Variants in RPH3A observed in about 807,000 individuals in gnomAD.
RPH3A encodes the protein rabphilin 3A.
RPH3A carries 48 observed loss-of-function variants against 102.2 expected under a neutral mutation model. The observed-to-expected ratio is 0.47, with a 90% CI of 0.37 to 0.60. RPH3A has a LOEUF of 0.60. Among genes scored for constraint, RPH3A ranks in the 20% least tolerant of loss-of-function variants. The pLI, the probability that RPH3A is intolerant of heterozygous loss-of-function variation, is 0.00. For missense variants in RPH3A, 781 were observed against 910.1 expected, an observed-to-expected ratio of 0.86 and a Z score of 1.83; for synonymous variants, 310 against 324.3, an observed-to-expected ratio of 0.96 and a Z score of 0.47.
At chr12:112,759,970 C>T (rs1019409337) in intron 1 of RPH3A, among the ~76,000 whole-genome samples, 3 of 152,182 alleles carry the variant, frequency 2.0e-5, no homozygotes, top group African/African-American at 4.8e-5. Context: ...TGAGTCACGT[C>T]GGCTGGACCA....
rs12311638 is a variant in RPH3A, at chr12:112,886,511, G to A, written c.1437-1286G>A. Among the ~76,000 whole-genome samples the A allele has an allele frequency of 8.1e-3, 1,237 of 152,104 alleles. 16 individuals carry two copies. Among genetic ancestry groups the A allele is most frequent in the African/African-American group, 0.028 (1,166 of 41,478 alleles). The stretch of plus-strand genomic sequence containing the variant: ...TGCTGCCACTGATCTGACAGGAGGC[G>A]GAGCTGAAGTGGTAATGCTTGCTCA... On this transcript the variant is annotated intron_variant, in intron 16 of 21. Coordinates refer to ENST00000389385, the MANE Select transcript of RPH3A (RefSeq NM_001143854.2).
intron 1 of RPH3A, among the ~76,000 whole-genome samples, chr12:112,713,916 G>T (rs112528535): frequency 6.6e-6 from 1 of 152,176 alleles, no homozygotes; most frequent in Non-Finnish European, 1.5e-5. Context: ...TGGCTGAGAC[G>T]TGGGTTCAGA....
intron 1 of RPH3A, among the ~76,000 whole-genome samples, chr12:112,602,673 C>A (rs571821075): frequency 7.2e-5 from 11 of 152,144 alleles, no homozygotes; most frequent in South Asian, 4.2e-4. Flanking sequence ...CCTGTAATCC[C>A]AGCTACTCAG....
chr12:112,875,807 GCAGGCAGCTGC>G (rs1259099265), intron 12 of RPH3A, 66 bp downstream of exon 12: 2 of 1,445,112 alleles, frequency 1.4e-6, no homozygotes, highest in Non-Finnish European at 1.9e-6. Flanking sequence ...CTGAGAGAGA[GCAGGCAGCTGC>G]CAGAACGTGA....
chr12:112,883,773 A>G (rs1215699178), intron 16 of RPH3A, among the ~76,000 whole-genome samples: 1 of 152,178 alleles, frequency 6.6e-6, no homozygotes, highest in African/African-American at 2.4e-5. Flanking sequence ...GAATACACTG[A>G]TGCCATTTCA....
chr12:112,881,679 C>A, intron 14 of RPH3A, 93 bp from the exon 15 acceptor site: 1 of 821,186 alleles, frequency 1.2e-6, no homozygotes, highest in Non-Finnish European at 2.0e-6. Context: ...GACCAACAGG[C>A]AGGACAGATG....
intron 3 of RPH3A, among the ~76,000 whole-genome samples, chr12:112,828,760 T>C (rs983530761): frequency 1.3e-5 from 2 of 152,222 alleles, no homozygotes; most frequent in Non-Finnish European, 2.9e-5. Flanking sequence ...GAAGTTGCAC[T>C]AGATCAGAGA....
chr12:112,872,676 T>C (rs1486541069), intron 10 of RPH3A, among the ~76,000 whole-genome samples: 3 of 152,210 alleles, frequency 2.0e-5, no homozygotes, highest in East Asian at 3.8e-4. Context: ...AGTTTTATAG[T>C]TTTAGCCCTT....
At chr12:112,722,995 A>G (rs896640880) in intron 1 of RPH3A, among the ~76,000 whole-genome samples, 1 of 152,216 alleles carries the variant, frequency 6.6e-6, no homozygotes, top group Non-Finnish European at 1.5e-5. Flanking sequence ...TTAGACACTA[A>G]GAGAAGAACT....
At chr12:112,688,254 A>G (rs2040281583) in intron 1 of RPH3A, among the ~76,000 whole-genome samples, 1 of 152,224 alleles carries the variant, frequency 6.6e-6, no homozygotes, top group African/African-American at 2.4e-5. Flanking sequence ...TATTATTTCC[A>G]AATATTGTAT....
At chr12:112,673,365 C>T (rs2040148757) in intron 1 of RPH3A, among the ~76,000 whole-genome samples, 1 of 151,998 alleles carries the variant, frequency 6.6e-6, no homozygotes, top group Non-Finnish European at 1.5e-5. Flanking sequence ...GGGTCTTGCT[C>T]TGTTGCCTCG....
At chr12:112,594,566 C>A (rs922631826) in intron 1 of RPH3A, among the ~76,000 whole-genome samples, 1 of 152,176 alleles carries the variant, frequency 6.6e-6, no homozygotes, top group Admixed American at 6.6e-5. Context: ...TCAGCAAATA[C>A]TTTTGAAGTG....
chr12:112,705,699 A>G (rs1399848734), intron 1 of RPH3A, among the ~76,000 whole-genome samples: 1 of 152,224 alleles, frequency 6.6e-6, no homozygotes, highest in Non-Finnish European at 1.5e-5. Flanking sequence ...ATATGTTTAA[A>G]TGTTTAAATT....
At chr12:112,726,786 G>A (rs2040593833) in intron 1 of RPH3A, among the ~76,000 whole-genome samples, 1 of 152,168 alleles carries the variant, frequency 6.6e-6, no homozygotes, top group Non-Finnish European at 1.5e-5. Flanking sequence ...ACTTTGGGAG[G>A]CTGAGGCAGG....
At chr12:112,817,612 G>A (rs564360708) in intron 2 of RPH3A, among the ~76,000 whole-genome samples, 1 of 151,622 alleles carries the variant, frequency 6.6e-6, no homozygotes, top group South Asian at 2.1e-4. Context: ...GGAAGAAATT[G>A]GTCTTTGCTT....
At chr12:112,579,303 A>G (rs2039380379) in intron 1 of RPH3A, among the ~76,000 whole-genome samples, 1 of 152,200 alleles carries the variant, frequency 6.6e-6, no homozygotes, top group African/African-American at 2.4e-5. Flanking sequence ...TCCCATAGTG[A>G]TCACAGCTGC....
chr12:112,830,588 G>T (rs540021544), intron 3 of RPH3A, among the ~76,000 whole-genome samples: 2 of 152,170 alleles, frequency 1.3e-5, no homozygotes, highest in Admixed American at 1.3e-4. Flanking sequence ...TATTCTGCTT[G>T]TATTATGTTG....
chr12:112,662,043 G>C (rs1423803332), intron 1 of RPH3A, among the ~76,000 whole-genome samples: 1 of 152,186 alleles, frequency 6.6e-6, no homozygotes, highest in Non-Finnish European at 1.5e-5. Flanking sequence ...CAGAATCTCA[G>C]TAGGGACAAG....
In RPH3A at chr12:112,709,414, G is replaced by A. The variant is rs578238124; in HGVS notation, c.-139-82729G>A. On this transcript the variant is annotated intron_variant, in intron 1 of 21. Coordinates refer to the RPH3A transcript ENST00000543106. ...AAAAATAAAAAATTACCCAGGGTTAGTGATGTGTGTCTGTAGTTCCAGCTA... is the reference window on the plus strand; with the variant it reads ...AAAAATAAAAAATTACCCAGGGTTAATGATGTGTGTCTGTAGTTCCAGCTA... 1.9e-4 allele frequency among the ~76,000 whole-genome samples: 29 copies of A among 152,160 alleles called. No homozygotes were observed. The East Asian group carries it at 4.8e-3, about 25-fold the overall frequency.
Sources: gnomAD v4.1 joint callset for allele counts (sites outside exome capture counted in the v4.1 genomes callset) on GRCh38, gnomAD v4.1.1 for gene constraint, MANE v1.5 for transcripts, NCBI Gene and HGNC (gene_info 2026-07-23, HGNC 2026-07-21) for gene names.